IRF2: variants seen among roughly 807,000 people sequenced by gnomAD.
IRF2 encodes interferon regulatory factor 2.
IRF2 carries 15 observed loss-of-function variants against 40.6 expected under a neutral mutation model. The ratio of observed to expected loss-of-function variants is 0.37; its 90% CI spans 0.25 to 0.57. IRF2 has a LOEUF of 0.57. IRF2 is among the 20% of genes least tolerant of loss of function. The pLI is 0.77. For missense variants in IRF2, 317 were observed against 455.7 expected (o/e 0.70, Z 2.77); for synonymous variants, 151 against 165.5 (o/e 0.91, Z 0.67).
intron 7 of IRF2, among the ~76,000 whole-genome samples, chr4:184,396,624 T>C (rs528031529): frequency 3.3e-5 from 5 of 151,730 alleles, no homozygotes; most frequent in Admixed American, 3.3e-4. Flanking sequence ...TTTGTAGAAG[T>C]GTGGTCTCAC....
chr4:184,440,232 C>A lies in IRF2; in HGVS notation c.-6-11162G>T, dbSNP rs537573813. On this transcript the variant is annotated intron_variant, in intron 1 of 8. Coordinates refer to ENST00000393593, the MANE Select transcript of IRF2 (RefSeq NM_002199.4). ...TCTGTCAGACCATCCCCATTACCCA[C>A]GGCCTCCTTCCATGCTCCCGCGGCA... Among the ~76,000 whole-genome samples the A allele has an allele frequency of 1.1e-4, 17 of 152,338 alleles. No homozygotes were observed. In the East Asian group the frequency reaches 2.9e-3, roughly 26 times the overall value.
intron 7 of IRF2, among the ~76,000 whole-genome samples, chr4:184,394,709 C>T (rs1736383970): frequency 6.6e-6 from 1 of 152,150 alleles, no homozygotes; most frequent in African/African-American, 2.4e-5. Context: ...CCCCTCTTAC[C>T]CATCCTCCCC....
At chr4:184,431,186 G>A (rs1737864365) in intron 1 of IRF2, among the ~76,000 whole-genome samples, 1 of 152,236 alleles carries the variant, frequency 6.6e-6, no homozygotes, top group Admixed American at 6.5e-5. Context: ...GGGAACCTTA[G>A]AGATATTTCA....
chr4:184,433,010 G>C (rs1013783625), intron 1 of IRF2, among the ~76,000 whole-genome samples: 11 of 152,192 alleles, frequency 7.2e-5, no homozygotes, highest in Admixed American at 3.9e-4. Context: ...CCTGAGGCAA[G>C]GTGGCCCCTG....
At chr4:184,421,732 TAC>T (rs147172543) in intron 2 of IRF2, among the ~76,000 whole-genome samples, 53 of 151,830 alleles carry the variant, frequency 3.5e-4, no homozygotes, top group Admixed American at 2.3e-3. Flanking sequence ...TGCATACACA[TAC>T]ACACACACAC....
intron 1 of IRF2, among the ~76,000 whole-genome samples, chr4:184,467,117 A>T (rs753597865): frequency 6.6e-6 from 1 of 152,272 alleles, no homozygotes; most frequent in Admixed American, 6.5e-5. Flanking sequence ...CAGTTTTCCC[A>T]TCAGCCTTTC....
intron 7 of IRF2, among the ~76,000 whole-genome samples, chr4:184,391,382 T>C (rs1736255369): frequency 1.3e-5 from 2 of 152,200 alleles, no homozygotes. Context: ...GATGTGATCC[T>C]GTGTCCATGA....
At chr4:184,390,795 A>G in intron 7 of IRF2, 46 bp from the exon 8 acceptor site, 1 of 1,601,964 alleles carries the variant, frequency 6.2e-7, no homozygotes, top group Non-Finnish European at 8.6e-7. Context: ...CTGTCCCTCA[A>G]GCTGTCCCCA....
chr4:184,470,024 C>T (rs1739460109), intron 1 of IRF2, among the ~76,000 whole-genome samples: 1 of 152,196 alleles, frequency 6.6e-6, no homozygotes, highest in Non-Finnish European at 1.5e-5. Context: ...ACTTTTCCAT[C>T]AGTCACTCCC....
intron 1 of IRF2, among the ~76,000 whole-genome samples, chr4:184,446,392 G>A (rs1561119138): frequency 6.6e-6 from 1 of 152,190 alleles, no homozygotes; most frequent in Admixed American, 6.5e-5. Context: ...TGTGGGCAGT[G>A]AGGATAGACA....
intron 2 of IRF2, among the ~76,000 whole-genome samples, chr4:184,425,976 GTTTTTGT>G (rs1200579282): frequency 1.5e-5 from 1 of 66,998 alleles, no homozygotes; most frequent in East Asian, 3.7e-4. Flanking sequence ...GCTCACTCCG[GTTTTTGT>G]TTGTTTGTTT....
Position 184,407,218 on chromosome 4 carries a change from G to A in IRF2, c.529+940C>T. The A allele has an allele frequency of 3.9e-6, 5 of 1,289,404 alleles. No individual in the cohort carries two copies. The South Asian group carries it at 6.2e-5, about 16-fold the overall frequency. The allele number at this position is 1,289,404 out of a possible 1,614,324, so 79.9% of individuals were successfully genotyped here. A position where few individuals can be genotyped will look rare whatever the true frequency, so the allele number is the denominator to read the frequency against. ...AGCGGAGGCCTGTCAGGACAATTCA[G>A]CATGCTGCTGGCTTCTTCCGTTTCC... is the stretch of plus-strand genomic sequence containing the variant. On this transcript the variant is annotated intron_variant, in intron 6 of 8. Coordinates refer to ENST00000393593, the MANE Select transcript of IRF2 (RefSeq NM_002199.4).
At chr4:184,426,078 G>A (rs747934814) in intron 2 of IRF2, among the ~76,000 whole-genome samples, 3 of 151,860 alleles carry the variant, frequency 2.0e-5, no homozygotes, top group Non-Finnish European at 2.9e-5. Context: ...CTCAGCTCAC[G>A]CAACCTCCAC....
chr4:184,467,737 A>G (rs1739378018), intron 1 of IRF2, among the ~76,000 whole-genome samples: 2 of 152,258 alleles, frequency 1.3e-5, no homozygotes, highest in African/African-American at 4.8e-5. Flanking sequence ...AACAAATTAA[A>G]GTGTATACTC....
intron 8 of IRF2, among the ~76,000 whole-genome samples, chr4:184,389,577 G>A (rs1447851976): frequency 2.3e-4 from 35 of 152,130 alleles, no homozygotes; most frequent in Admixed American, 2.3e-3. Flanking sequence ...CATATGCCAA[G>A]TAATGGTTTT....
chr4:184,470,165 C>T (rs745384390), intron 1 of IRF2, among the ~76,000 whole-genome samples: 4 of 152,278 alleles, frequency 2.6e-5, no homozygotes, highest in East Asian at 1.9e-4. Flanking sequence ...TGACCTCCTA[C>T]CCCTGTGCAG....
At chr4:184,407,136 A>G (rs181408609) in intron 6 of IRF2, 14 of 1,250,016 alleles carry the variant, frequency 1.1e-5, no homozygotes, top group Non-Finnish European at 1.5e-5. Flanking sequence ...AACTTTTTAC[A>G]CTGCCCGGGA....
In IRF2 at chr4:184,408,480, C is replaced by T. The variant is rs1198831621; in HGVS notation, c.412-205G>A. ...TGCACTGCTGGGTATTCAGCTCCTT[C>T]CATTTTCCTTCAAGGAAACGGTACC... On this transcript the variant is annotated intron_variant, in intron 5 of 8. Coordinates refer to ENST00000393593, the MANE Select transcript of IRF2 (RefSeq NM_002199.4). The surrounding 1 kb of genome is among the most constrained non-coding windows in gnomAD (Gnocchi z 4.9). Among the ~76,000 whole-genome samples the T allele has an allele frequency of 6.6e-6, 1 of 152,224 alleles. No individual in the cohort carries two copies. Among genetic ancestry groups the T allele is most frequent in the African/African-American group, 2.4e-5 (1 of 41,452 alleles).
intron 1 of IRF2, among the ~76,000 whole-genome samples, chr4:184,440,697 C>G (rs1016631855): frequency 1.3e-5 from 2 of 152,224 alleles, no homozygotes; most frequent in African/African-American, 4.8e-5. Flanking sequence ...ATTTCAGATC[C>G]CTCCCTGCCT....
Sources: allele counts gnomAD v4.1 joint callset (sites outside exome capture counted in the v4.1 genomes callset), GRCh38; gene constraint gnomAD v4.1.1; non-coding constraint Gnocchi (gnomAD v3.1); transcripts MANE v1.5; gene names NCBI Gene and HGNC (gene_info 2026-07-23, HGNC 2026-07-21).